Variants in CDKL4 observed in about 807,000 individuals in gnomAD.
CDKL4 encodes the protein cyclin-dependent kinase-like 4.
CDKL4 carries 44 observed loss-of-function variants against 42.0 expected under a neutral mutation model. That is an observed-to-expected ratio of 1.05 (90% confidence interval 0.82 to 1.35). The LOEUF (loss-of-function observed/expected upper bound fraction) is 1.35. Among genes scored for constraint, CDKL4 ranks in the 40% most tolerant of loss-of-function variants. The pLI is 0.00. For missense variants in CDKL4, 393 were observed against 369.9 expected (o/e 1.06, Z -0.51); for synonymous variants, 120 against 121.6 (o/e 0.99, Z 0.09).
chr2:39,231,718 G>A (rs1432412972), intron 1 of CDKL4, among the ~76,000 whole-genome samples: 2 of 152,200 alleles, frequency 1.3e-5, no homozygotes, highest in African/African-American at 4.8e-5. Context: ...ATAGATGGCT[G>A]GAAAGAGAGT....
At chr2:39,189,940 C>T (rs1316278301) in intron 6 of CDKL4, among the ~76,000 whole-genome samples, 1 of 152,114 alleles carries the variant, frequency 6.6e-6, no homozygotes, top group African/African-American at 2.4e-5. Context: ...AGGGGGGAAC[C>T]TCTTTTACAG....
intron 1 of CDKL4, among the ~76,000 whole-genome samples, chr2:39,242,499 T>C (rs753925699): frequency 1.3e-5 from 2 of 152,238 alleles, no homozygotes; most frequent in Non-Finnish European, 2.9e-5. Context: ...AGCCCACTTA[T>C]GATTATCAAA....
At chr2:39,172,726 C>T (rs906774671), downstream of CDKL4, among the ~76,000 whole-genome samples, 2 of 152,222 alleles carry the variant, frequency 1.3e-5, no homozygotes, top group Non-Finnish European at 2.9e-5. Flanking sequence ...GGATTACAGG[C>T]GCCCACCATC....
At chr2:39,201,688 G>A (rs938928923) in intron 5 of CDKL4, among the ~76,000 whole-genome samples, 1 of 152,092 alleles carries the variant, frequency 6.6e-6, no homozygotes, top group Admixed American at 6.5e-5. Context: ...TGGAACTGGA[G>A]ACCATTATTC....
At chr2:39,242,163 AG>A (rs1277235168) in intron 1 of CDKL4, among the ~76,000 whole-genome samples, 3 of 151,828 alleles carry the variant, frequency 2.0e-5, no homozygotes, top group Non-Finnish European at 2.9e-5. Context: ...CTCCTGCCTC[AG>A]CCTCTTGAGT....
chr2:39,198,260 T>TAAA lies in CDKL4; in HGVS notation c.454+6264_454+6266dup, dbSNP rs55994878. ...GACAAAGAGGGACATTATATAATGATAAAAAAAAAAAAACTAGTCCAACAG... is the reference window on the plus strand; with the variant it reads ...GACAAAGAGGGACATTATATAATGATAAAAAAAAAAAAAAAACTAGTCCAACAG... On this transcript the variant is annotated intron_variant, in intron 5 of 9. Transcript: ENST00000451199. 9.9e-3 allele frequency among the ~76,000 whole-genome samples: 1,449 copies of TAAA among 146,470 alleles called. 15 individuals carry two copies. Among genetic ancestry groups the TAAA allele is most frequent in the East Asian group, 0.029 (145 of 5,040 alleles).
chr2:39,221,396 T>C (rs754496752), intron 3 of CDKL4, among the ~76,000 whole-genome samples: 17 of 152,226 alleles, frequency 1.1e-4, no homozygotes, highest in Non-Finnish European at 2.2e-4. Flanking sequence ...AGGCTTGGTA[T>C]GTATACTAGC....
chr2:39,224,498 ATT>A (rs1171458286), intron 3 of CDKL4, among the ~76,000 whole-genome samples: 4 of 132,622 alleles, frequency 3.0e-5, no homozygotes, highest in Non-Finnish European at 4.8e-5. Context: ...TTCTCCACTA[ATT>A]TTTTTTTTTT....
chr2:39,172,029 G>A (rs1305801640), downstream of CDKL4, among the ~76,000 whole-genome samples: 2 of 152,160 alleles, frequency 1.3e-5, no homozygotes, highest in Non-Finnish European at 2.9e-5. Flanking sequence ...GCATTACACA[G>A]GCTGGGCATG....
intron 5 of CDKL4, among the ~76,000 whole-genome samples, chr2:39,191,150 G>C (rs1676156493): frequency 6.6e-6 from 1 of 152,168 alleles, no homozygotes; most frequent in South Asian, 2.1e-4. Context: ...TCTCATCCCA[G>C]CACTTTGGGA....
downstream of CDKL4, among the ~76,000 whole-genome samples, chr2:39,175,319 C>T (rs374216865): frequency 4.6e-5 from 7 of 152,262 alleles, no homozygotes; most frequent in East Asian, 7.7e-4. Context: ...TATCCGAGGG[C>T]GTTACTGATG....
intron 8 of CDKL4, among the ~76,000 whole-genome samples, chr2:39,183,778 G>A (rs183528435): frequency 2.0e-5 from 3 of 152,276 alleles, no homozygotes; most frequent in Admixed American, 1.3e-4. Flanking sequence ...AGGTCAGGTG[G>A]AGCAATGGTA....
intron 6 of CDKL4, among the ~76,000 whole-genome samples, chr2:39,188,888 GC>G (rs896997209): frequency 2.6e-5 from 4 of 152,090 alleles, no homozygotes; most frequent in African/African-American, 9.7e-5. Flanking sequence ...TATGGGGTCT[GC>G]CTATGTTGCC....
intron 5 of CDKL4, among the ~76,000 whole-genome samples, chr2:39,196,341 G>A (rs967949075): frequency 6.6e-6 from 1 of 152,126 alleles, no homozygotes; most frequent in African/African-American, 2.4e-5. Flanking sequence ...ATCACATCAC[G>A]GGACTCTTTG....
At chr2:39,174,553 A>G (rs1475893572), downstream of CDKL4, among the ~76,000 whole-genome samples, 1 of 152,248 alleles carries the variant, frequency 6.6e-6, no homozygotes, top group Non-Finnish European at 1.5e-5. Flanking sequence ...ATAGGATATT[A>G]TCATGTTTCT....
chr2:39,173,424 C>A (rs967832103), downstream of CDKL4, among the ~76,000 whole-genome samples: 1 of 152,222 alleles, frequency 6.6e-6, no homozygotes, highest in East Asian at 1.9e-4. Flanking sequence ...CACCTGTAAT[C>A]CCAGCACTTT....
chr2:39,208,693 C>T (rs532525065), intron 4 of CDKL4, among the ~76,000 whole-genome samples: 10 of 146,146 alleles, frequency 6.8e-5, no homozygotes, highest in African/African-American at 2.0e-4. Context: ...TTGTGGCTGA[C>T]GGGCAATCTT....
intron 3 of CDKL4, among the ~76,000 whole-genome samples, chr2:39,223,890 A>G (rs571606251): frequency 2.0e-4 from 31 of 152,092 alleles, no homozygotes; most frequent in Middle Eastern, 3.4e-3. Flanking sequence ...GAGCCACTGC[A>G]CCCAGCCTCC....
intron 3 of CDKL4, among the ~76,000 whole-genome samples, chr2:39,224,823 T>C (rs987730397): frequency 3.9e-5 from 6 of 152,150 alleles, no homozygotes; most frequent in African/African-American, 1.4e-4. Flanking sequence ...TGTTGTTTGA[T>C]ACAAATGCTG....
Sources: allele counts gnomAD v4.1 joint callset (sites outside exome capture counted in the v4.1 genomes callset), GRCh38; gene constraint gnomAD v4.1.1; transcripts MANE v1.5; gene names NCBI Gene and HGNC (gene_info 2026-07-23, HGNC 2026-07-21).